The following NBEA variants were observed in gnomAD, a reference collection of about 807,000 sequenced individuals.
NBEA encodes the protein lysosomal-trafficking regulator 2.
NBEA carries 44 observed loss-of-function variants against 343.4 expected under a neutral mutation model. The ratio of observed to expected loss-of-function variants is 0.13; its 90% confidence interval spans 0.10 to 0.16. The LOEUF (loss-of-function observed/expected upper bound fraction) is 0.16. Ranked by LOEUF, NBEA falls within the 10% of genes least tolerant of loss-of-function variation. The pLI is 1.00. For synonymous variants in NBEA, 1,175 were observed against 1,238.7 expected (o/e 0.95, Z 1.08); for missense variants, 2,555 against 3,631.3 (o/e 0.70, Z 7.62).
intron 27 of NBEA, among the ~76,000 whole-genome samples, chr13:35,175,230 C>T (rs927230414): frequency 6.6e-6 from 1 of 152,076 alleles, no homozygotes; most frequent in Non-Finnish European, 1.5e-5. Context: ...TCTGTGCCTC[C>T]GTTTTCTAAT....
intron 40 of NBEA, among the ~76,000 whole-genome samples, chr13:35,460,463 A>G (rs2046838485): frequency 6.6e-6 from 1 of 152,226 alleles, no homozygotes; most frequent in South Asian, 2.1e-4. Flanking sequence ...AAAGTATTTA[A>G]ATTTCTAACT....
intron 44 of NBEA, among the ~76,000 whole-genome samples, chr13:35,564,212 A>C (rs1394531548): frequency 6.6e-6 from 1 of 152,094 alleles, no homozygotes; most frequent in East Asian, 1.9e-4. Context: ...TAAATTATAA[A>C]ACTTCATCAG....
chr13:35,500,803 G>C (rs537467722), intron 41 of NBEA, among the ~76,000 whole-genome samples: 1 of 150,922 alleles, frequency 6.6e-6, no homozygotes, highest in South Asian at 2.1e-4. Flanking sequence ...AATAGTTAGA[G>C]GCTTTGCAAA....
At chr13:35,293,787 T>C (rs1382780578) in intron 35 of NBEA, among the ~76,000 whole-genome samples, 1 of 152,032 alleles carries the variant, frequency 6.6e-6, no homozygotes, top group Non-Finnish European at 1.5e-5. Context: ...CCATAAGATA[T>C]ACTCCAGGAA....
At chr13:35,404,832 T>C (rs1373942884) in intron 38 of NBEA, among the ~76,000 whole-genome samples, 2 of 152,030 alleles carry the variant, frequency 1.3e-5, no homozygotes, top group Non-Finnish European at 2.9e-5. Context: ...GAGAGAGGAA[T>C]GTCATGTGAT....
intron 1 of NBEA, among the ~76,000 whole-genome samples, chr13:35,035,030 C>T (rs2062386743): frequency 6.6e-6 from 1 of 151,724 alleles, no homozygotes; most frequent in African/African-American, 2.4e-5. Flanking sequence ...TATTTCTGCT[C>T]TGATCTTTAT....
At chr13:35,230,712 T>A (rs1426774948) in intron 33 of NBEA, among the ~76,000 whole-genome samples, 1 of 152,048 alleles carries the variant, frequency 6.6e-6, no homozygotes, top group African/African-American at 2.4e-5. Context: ...ATTATGCTTA[T>A]TCGGTGACTT....
At chr13:35,197,310 C>G (rs1421022638) in intron 31 of NBEA, among the ~76,000 whole-genome samples, 3 of 152,026 alleles carry the variant, frequency 2.0e-5, no homozygotes, top group Non-Finnish European at 4.4e-5. Flanking sequence ...AGGTGATTGA[C>G]AAGCAAGTGT....
At position 35,042,275 on chromosome 13, in the gene NBEA, A is replaced by G. The variant is rs183030472; in HGVS notation, c.526+1111A>G. On this transcript the variant is annotated intron_variant, in intron 2 of 58. Transcript: ENST00000379939. ...TTTAGAATGATTTAGCAGTCCCTGT[A>G]TTGGGTACTGATGGCTAACTTGATG... is the stretch of plus-strand genomic sequence containing the variant. Among the ~76,000 whole-genome samples the G allele has an allele frequency of 2.6e-4, 40 of 151,934 alleles. No individual in the cohort carries two copies. The East Asian group carries it at 6.8e-3, about 26-fold the overall frequency.
intron 10 of NBEA, among the ~76,000 whole-genome samples, chr13:35,089,967 G>A (rs1333247155): frequency 6.7e-6 from 1 of 149,788 alleles, no homozygotes; most frequent in African/African-American, 2.5e-5. Context: ...GCTAGATGAC[G>A]AGTTAGTGGG....
At chr13:35,454,701 A>T (rs2046470311) in intron 40 of NBEA, among the ~76,000 whole-genome samples, 1 of 152,026 alleles carries the variant, frequency 6.6e-6, no homozygotes, top group Non-Finnish European at 1.5e-5. Context: ...TCTACTAAAA[A>T]TACAAAAAAT....
chr13:35,485,411 G>A lies in NBEA; in HGVS notation c.6585+12875G>A, dbSNP rs574425309. On this transcript the variant is annotated intron_variant, in intron 41 of 58. Transcript: ENST00000379939. Reference sequence around the variant, plus strand: ...CCTCTCTAAGTGGCAGGCAGTAGATGTTTATTCATACTATAATCTGGCATC... The same window carrying A: ...CCTCTCTAAGTGGCAGGCAGTAGATATTTATTCATACTATAATCTGGCATC... Among the ~76,000 whole-genome samples, 45 of 152,192 alleles carry A rather than the reference G, an allele frequency of 3.0e-4. No individual in the cohort carries two copies. The South Asian group carries it at 8.1e-3, about 27-fold the overall frequency.
chr13:35,236,658 G>T (rs1472139661), intron 34 of NBEA, among the ~76,000 whole-genome samples: 1 of 149,810 alleles, frequency 6.7e-6, no homozygotes, highest in Admixed American at 6.7e-5. Flanking sequence ...GGGTTTCACT[G>T]TGTTAGCCAG....
chr13:35,049,082 C>T (rs376498012), intron 5 of NBEA, among the ~76,000 whole-genome samples: 148 of 151,756 alleles, frequency 9.8e-4, no homozygotes, highest in African/African-American at 3.4e-3. Context: ...CTGACATATG[C>T]TTTAAAATTG....
At chr13:35,171,611 A>T (rs536858999) in intron 26 of NBEA, among the ~76,000 whole-genome samples, 159 bp downstream of exon 26, 121 of 152,216 alleles carry the variant, frequency 7.9e-4, no homozygotes, top group African/African-American at 2.9e-3. Context: ...AATCAGAATT[A>T]CTAAATTTTA....
chr13:35,236,573 A>G (rs913703878), intron 34 of NBEA, among the ~76,000 whole-genome samples: 8 of 151,164 alleles, frequency 5.3e-5, no homozygotes, highest in African/African-American at 1.7e-4. Flanking sequence ...CAGCCTCCCA[A>G]GTAGCTGGGA....
At chr13:35,263,409 A>C (rs923981985) in intron 34 of NBEA, among the ~76,000 whole-genome samples, 1 of 152,222 alleles carries the variant, frequency 6.6e-6, no homozygotes, top group African/African-American at 2.4e-5. Flanking sequence ...CATTGGACTT[A>C]AACTGTACTC....
chr13:35,337,448 A>G (rs1449356880), intron 36 of NBEA, among the ~76,000 whole-genome samples: 1 of 152,260 alleles, frequency 6.6e-6, no homozygotes, highest in South Asian at 2.1e-4. Context: ...CATCCATAAG[A>G]TATCATAGTT....
intron 38 of NBEA, among the ~76,000 whole-genome samples, chr13:35,372,384 G>A (rs144107457): frequency 7.6e-4 from 116 of 152,310 alleles, no homozygotes; most frequent in Middle Eastern, 3.4e-3. Flanking sequence ...GTACTCAGGT[G>A]GCAACAGTGG....
Sources: gnomAD v4.1 joint callset for allele counts (sites outside exome capture counted in the v4.1 genomes callset) on GRCh38, gnomAD v4.1.1 for gene constraint, MANE v1.5 for transcripts, NCBI Gene and HGNC (gene_info 2026-07-23, HGNC 2026-07-21) for gene names.